Variants in OR10G3 observed in about 807,000 individuals in gnomAD.
The protein encoded by OR10G3 is olfactory receptor family 10 subfamily G member 3, also known as olfactory receptor 10G3.
A neutral mutation model predicts 13.4 loss-of-function variants in OR10G3; 8 were observed. That is an observed-to-expected ratio of 0.60 (90% CI 0.35 to 1.08). OR10G3 has a LOEUF of 1.08. OR10G3 is among the 50% of genes least tolerant of loss of function. The pLI is 0.02. For synonymous variants in OR10G3, 142 were observed against 156.1 expected (o/e 0.91, Z 0.67); for missense variants, 393 against 386.6 (o/e 1.02, Z -0.14).
chr14:21,573,529 C>G (rs1447021813), intron 1 of OR10G3, among the ~76,000 whole-genome samples: 1 of 151,352 alleles, frequency 6.6e-6, no homozygotes, highest in Non-Finnish European at 1.5e-5. Context: ...AAAATTAGCC[C>G]AGTGTGGTGG....
rs981507433 is a variant in OR10G3 at position 21,579,862 on chromosome 14, T to G, written c.-94A>C. Reference sequence around the variant, plus strand: ...ATACAAATCTATTCCTAAGGAATCTTGAATATCTCATAGGTCAGCAGCAAT... The same window carrying G: ...ATACAAATCTATTCCTAAGGAATCTGGAATATCTCATAGGTCAGCAGCAAT... On this transcript the variant is annotated 5_prime_UTR_variant, in exon 1 of 2. Coordinates refer to ENST00000641040, the MANE Select transcript of OR10G3 (RefSeq NM_001005465.2). 1 of 152,234 alleles carries G rather than the reference T, an allele frequency of 6.6e-6. No individual in the cohort carries two copies. The highest frequency in any genetic ancestry group is 2.4e-5 in the African/African-American group (1 of 41,456). 9.4% of individuals were successfully genotyped at this position (152,234 alleles called of 1,614,324 possible). A position where few individuals can be genotyped will look rare whatever the true frequency, so the allele number is the denominator to read the frequency against.
intron 1 of OR10G3, among the ~76,000 whole-genome samples, chr14:21,579,243 T>G (rs894034011): frequency 0.092 from 13,763 of 150,398 alleles, 1,061 homozygotes; most frequent in Admixed American, 0.25. Context: ...TTAATTTTTT[T>G]AATTTTAATT....
intron 1 of OR10G3, among the ~76,000 whole-genome samples, chr14:21,576,414 AC>A (rs1893129596): frequency 6.6e-6 from 1 of 152,188 alleles, no homozygotes; most frequent in Non-Finnish European, 1.5e-5. Flanking sequence ...TTCATGAAGC[AC>A]ACTTAAGTTA....
chr14:21,575,438 T>G (rs12435347), intron 1 of OR10G3, among the ~76,000 whole-genome samples: 81,095 of 150,492 alleles, frequency 0.54, 22,314 homozygotes, highest in African/African-American at 0.61. Context: ...TGGAGGGCAG[T>G]GGCACGATCT....
Position 21,570,373 on chromosome 14 carries a change from G to C in OR10G3, c.372C>G (p.Tyr124Ter). The change falls in exon 2 of 2, where the codon TAC (tyrosine) becomes TAG (stop). Residue 124 changes from tyrosine (Y) to a stop codon, truncating the protein, a stop_gained. Transcript: ENST00000641040. LOFTEE classifies it high-confidence loss of function. ...FLYTLMAYDR[Y>*]LAICQPLRYP... Reference sequence around the variant, plus strand: ...AGCGCAGGGGCTGACATATTGCCAGGTACCTGTCATAGGCCATTAGGGTGT... The same window carrying C: ...AGCGCAGGGGCTGACATATTGCCAGCTACCTGTCATAGGCCATTAGGGTGT... 6.2e-7 allele frequency: 1 copy of C among 1,614,182 alleles called. No individual in the cohort carries two copies. Among genetic ancestry groups the C allele is most frequent in the Non-Finnish European group, 8.5e-7 (1 of 1,180,018 alleles).
In OR10G3 at chr14:21,570,494, A is replaced by T. The variant is rs750184752; in HGVS notation, c.251T>A (p.Met84Lys). ...GGGTTTGACACCTAAAGTGAAGTTC[A>T]TCATGAGGCGAGGGACAATGATGGA... ...ISSIIVPRLM[M>K]NFTLGVKPIP... Residue 84 changes from methionine to lysine, a missense_variant, in exon 2 of 2, where the codon ATG becomes AAG. Coordinates refer to ENST00000641040, the MANE Select transcript of OR10G3 (RefSeq NM_001005465.2). 1.9e-6 allele frequency: 3 copies of T among 1,614,108 alleles called. No homozygotes were observed. Among genetic ancestry groups the T allele is most frequent in the Non-Finnish European group, 2.5e-6 (3 of 1,180,054 alleles).
rs761351766 is a variant in OR10G3, at chr14:21,570,403, G to A, written c.342C>T (p.Phe114=). 3.7e-6 allele frequency: 6 copies of A among 1,614,148 alleles called. No individual in the cohort carries two copies. Among genetic ancestry groups the A allele is most frequent in the South Asian group, 2.2e-5 (2 of 91,076 alleles). ...FYHFLGSTQC[F]LYTLMAYDRY... is the part of the protein sequence containing the mutation. The stretch of plus-strand genomic sequence containing the variant: ...TGTCATAGGCCATTAGGGTGTAGAG[G>A]AAGCACTGGGTGCTGCCCAGGAAGT... The change falls in exon 2 of 2, where the codon TTC becomes TTT. Residue 114 remains phenylalanine, a synonymous_variant. Coordinates refer to ENST00000641040, the MANE Select transcript of OR10G3 (RefSeq NM_001005465.2).
chr14:21,576,267 G>A (rs1893128245), intron 1 of OR10G3, among the ~76,000 whole-genome samples: 1 of 152,174 alleles, frequency 6.6e-6, no homozygotes, highest in African/African-American at 2.4e-5. Flanking sequence ...TTACTTTACA[G>A]TGGGAGATCT....
chr14:21,571,327 G>A (rs1385407938), intron 1 of OR10G3, among the ~76,000 whole-genome samples: 2 of 152,204 alleles, frequency 1.3e-5, no homozygotes, highest in East Asian at 3.8e-4. Context: ...ATTTTTATGT[G>A]TGACAGTGCT....
chr14:21,580,057 A>T lies in OR10G3; in HGVS notation c.-289T>A, dbSNP rs938550656. 3 of 152,198 alleles carry T rather than the reference A, an allele frequency of 2.0e-5. No homozygotes were observed. The highest frequency in any genetic ancestry group is 2.1e-4 in the South Asian group (1 of 4,830). The allele number at this position is 152,198 out of a possible 1,614,324, so 9.4% of individuals were successfully genotyped here. ...GGAGCTGTGGCTCTTACTGAAGATA[A>T]CTGTTAAGGTTGGTCTCTCCTGTGT... On this transcript the variant is annotated 5_prime_UTR_variant, in exon 1 of 2. Coordinates refer to ENST00000641040, the MANE Select transcript of OR10G3 (RefSeq NM_001005465.2).
chr14:21,573,750 G>A (rs1893097473), intron 1 of OR10G3, among the ~76,000 whole-genome samples: 1 of 151,752 alleles, frequency 6.6e-6, no homozygotes, highest in Non-Finnish European at 1.5e-5. Flanking sequence ...GGTGACCATA[G>A]TTAATAATAA....
At chr14:21,575,952 C>T (rs1340951832) in intron 1 of OR10G3, among the ~76,000 whole-genome samples, 1 of 152,192 alleles carries the variant, frequency 6.6e-6, no homozygotes, top group African/African-American at 2.4e-5. Context: ...CAGATGCTGG[C>T]CTCCTCCCCG....
intron 1 of OR10G3, among the ~76,000 whole-genome samples, chr14:21,576,169 G>A (rs1428578603): frequency 6.6e-6 from 1 of 152,170 alleles, no homozygotes; most frequent in African/African-American, 2.4e-5. Flanking sequence ...ATTTGGTTAG[G>A]TCTCTCTGGG....
chr14:21,573,973 T>C (rs1893099473), intron 1 of OR10G3, among the ~76,000 whole-genome samples: 1 of 152,090 alleles, frequency 6.6e-6, no homozygotes, highest in South Asian at 2.1e-4. Flanking sequence ...TACTGAAAAA[T>C]ACTCATGACT....
At chr14:21,577,410 T>C (rs1459860148) in intron 1 of OR10G3, among the ~76,000 whole-genome samples, 1 of 152,150 alleles carries the variant, frequency 6.6e-6, no homozygotes, top group Non-Finnish European at 1.5e-5. Context: ...GAGTAAAGGC[T>C]CCAACCAGAT....
chr14:21,577,737 G>C lies in OR10G3; in HGVS notation c.-18+2049C>G, dbSNP rs949093612. Among the ~76,000 whole-genome samples, 16 of 152,336 alleles carry C rather than the reference G, an allele frequency of 1.1e-4. No homozygotes were observed. In the East Asian group the frequency reaches 2.9e-3, roughly 28 times the overall value. ...AAAAAGCCCGAGGGAGGCCGGGCGC[G>C]GTGGCTCACGCCTGTAATCCCAGCA... On this transcript the variant is annotated intron_variant, in intron 1 of 1. Coordinates refer to ENST00000641040, the MANE Select transcript of OR10G3 (RefSeq NM_001005465.2).
In OR10G3 at chr14:21,569,788, G is replaced by T; in HGVS notation, c.*15C>A. ...TTCTAATTGTGGCAGCTTCCCTAGT[G>T]GGAGAAAGACACTTTCAAACCTCAC... On this transcript the variant is annotated 3_prime_UTR_variant, in exon 2 of 2. Coordinates refer to ENST00000641040, the MANE Select transcript of OR10G3 (RefSeq NM_001005465.2). 1.3e-6 allele frequency: 2 copies of T among 1,598,374 alleles called. No homozygotes were observed. Among genetic ancestry groups the T allele is most frequent in the South Asian group, 1.1e-5 (1 of 89,374 alleles).
intron 1 of OR10G3, among the ~76,000 whole-genome samples, chr14:21,577,469 T>C (rs1876771394): frequency 6.6e-6 from 1 of 152,228 alleles, no homozygotes; most frequent in Non-Finnish European, 1.5e-5. Flanking sequence ...TGAAAATTCC[T>C]TCCCACAAGG....
intron 1 of OR10G3, among the ~76,000 whole-genome samples, chr14:21,573,625 T>C (rs1893095760): frequency 1.3e-5 from 2 of 151,560 alleles, no homozygotes; most frequent in Non-Finnish European, 2.9e-5. Flanking sequence ...TGAGCTGAGA[T>C]TGTGCCACTG....
Sources: allele counts gnomAD v4.1 joint callset (sites outside exome capture counted in the v4.1 genomes callset), GRCh38; gene constraint gnomAD v4.1.1; transcripts MANE v1.5; gene names NCBI Gene and HGNC (gene_info 2026-07-23, HGNC 2026-07-21).